PIGK: variants seen among roughly 807,000 people sequenced by gnomAD.
PIGK encodes GPI-anchor transamidase.
PIGK carries 42 observed loss-of-function variants against 50.6 expected under a neutral mutation model. The ratio of observed to expected loss-of-function variants is 0.83; its 90% CI spans 0.65 to 1.07. The LOEUF is 1.07. PIGK is among the 50% of genes least tolerant of loss of function. The probability of loss-of-function intolerance (pLI) is 0.00; values close to 1 mark genes in which losing one functional copy is unlikely to be tolerated. For synonymous variants in PIGK, 151 were observed against 156.0 expected (o/e 0.97, Z 0.24); for missense variants, 448 against 488.7 (o/e 0.92, Z 0.78).
At chr1:77,124,600 G>A (rs1489183128) in intron 9 of PIGK, among the ~76,000 whole-genome samples, 1 of 148,372 alleles carries the variant, frequency 6.7e-6, no homozygotes. Flanking sequence ...CAGAGCAAGA[G>A]TCTCAAAACA....
At position 77,219,409 on chromosome 1, in the gene PIGK, C is replaced by G. The variant is rs1341681422; in HGVS notation, c.-7G>C. The G allele has an allele frequency of 3.1e-6, 5 of 1,611,902 alleles. No individual in the cohort carries two copies. The South Asian group carries it at 4.4e-5, about 14-fold the overall frequency. ...GGCTGTCGGTGACGGCCATGTTTAC[C>G]GGCTTCAGACTTCCCGCACCTGAAG... is the stretch of plus-strand genomic sequence containing the variant. On this transcript the variant is annotated 5_prime_UTR_variant, in exon 1 of 11. Transcript: ENST00000370812.
chr1:77,109,998 C>T (rs1354708554), intron 10 of PIGK, among the ~76,000 whole-genome samples: 1 of 152,136 alleles, frequency 6.6e-6, no homozygotes, highest in East Asian at 1.9e-4. Flanking sequence ...CATGAGTGAA[C>T]TCCCATTCAC....
intron 9 of PIGK, among the ~76,000 whole-genome samples, chr1:77,137,856 G>A (rs138771795): frequency 0.042 from 6,317 of 152,174 alleles, 197 homozygotes; most frequent in Non-Finnish European, 0.054. Flanking sequence ...TGTCCACCTC[G>A]GCCTCCCAAA....
At chr1:77,179,603 T>TC (rs1185960862) in intron 3 of PIGK, among the ~76,000 whole-genome samples, 1 of 152,178 alleles carries the variant, frequency 6.6e-6, no homozygotes, top group Non-Finnish European at 1.5e-5. Flanking sequence ...CCCTTTTTTT[T>TC]CTCTATAAAT....
intron 10 of PIGK, among the ~76,000 whole-genome samples, chr1:77,107,946 A>T (rs1252143843): frequency 1.3e-5 from 2 of 152,026 alleles, no homozygotes; most frequent in East Asian, 3.9e-4. Context: ...TGCTTGGTAG[A>T]TCTTCCTCCA....
intron 8 of PIGK, among the ~76,000 whole-genome samples, chr1:77,155,818 T>C (rs1654996468): frequency 6.6e-6 from 1 of 152,102 alleles, no homozygotes; most frequent in South Asian, 2.1e-4. Flanking sequence ...ATCACCAATA[T>C]GAAGGCAGAA....
chr1:77,114,188 TAAG>T lies in PIGK; in HGVS notation c.1071+8084_1071+8086del, dbSNP rs1479039611. On this transcript the variant is annotated intron_variant, in intron 10 of 10. Transcript: ENST00000370812. ...TAAGGAGGAAGTATACCACAGTAGT[TAAG>T]AAGATAAATTTTGGAGTCAAACAGA... Among the ~76,000 whole-genome samples the T allele has an allele frequency of 2.0e-5, 3 of 152,244 alleles. No homozygotes were observed. In the East Asian group the frequency reaches 5.8e-4, roughly 29 times the overall value.
intron 9 of PIGK, among the ~76,000 whole-genome samples, chr1:77,131,030 T>C (rs1356248311): frequency 6.6e-6 from 1 of 152,102 alleles, no homozygotes; most frequent in Non-Finnish European, 1.5e-5. Flanking sequence ...AATTATATGA[T>C]AATTTATTCT....
chr1:77,173,338 T>C (rs555069603), intron 3 of PIGK, among the ~76,000 whole-genome samples: 118 of 152,318 alleles, frequency 7.7e-4, no homozygotes, highest in Admixed American at 1.6e-3. Context: ...CATATTTTAC[T>C]CTGGCCAGAA....
chr1:77,152,480 C>T (rs1166273830), intron 9 of PIGK, among the ~76,000 whole-genome samples: 1 of 151,660 alleles, frequency 6.6e-6, no homozygotes, highest in Non-Finnish European at 1.5e-5. Flanking sequence ...TCATAGGCAA[C>T]AAAAGCAAAA....
At chr1:77,097,510 G>A (rs1653443676) in intron 10 of PIGK, among the ~76,000 whole-genome samples, 2 of 152,268 alleles carry the variant, frequency 1.3e-5, no homozygotes, top group South Asian at 4.1e-4. Context: ...GGCAGTTAAT[G>A]TAATCTAGAA....
At chr1:77,165,005 T>C (rs894317530) in intron 5 of PIGK, among the ~76,000 whole-genome samples, 5 of 152,296 alleles carry the variant, frequency 3.3e-5, no homozygotes, top group Non-Finnish European at 7.4e-5. Flanking sequence ...ATATTGTCTC[T>C]AGCACAACTA....
At chr1:77,123,575 G>T (rs1359378494) in intron 9 of PIGK, among the ~76,000 whole-genome samples, 1 of 151,910 alleles carries the variant, frequency 6.6e-6, no homozygotes, top group East Asian at 1.9e-4. Context: ...AAAAAAAACT[G>T]CCTCAAAACA....
chr1:77,198,471 T>C (rs1230028662), intron 3 of PIGK, among the ~76,000 whole-genome samples: 1 of 151,990 alleles, frequency 6.6e-6, no homozygotes, highest in Non-Finnish European at 1.5e-5. Flanking sequence ...TACAAAGATT[T>C]GAAAGGATGA....
chr1:77,163,990 C>T, intron 5 of PIGK, 48 bp from the exon 6 acceptor site: 23 of 975,688 alleles, frequency 2.4e-5, no homozygotes, highest in Non-Finnish European at 3.6e-5. Flanking sequence ...ATGCAAACTG[C>T]ATATATCTAG....
intron 9 of PIGK, among the ~76,000 whole-genome samples, chr1:77,143,145 T>C (rs1327832587): frequency 2.0e-5 from 3 of 152,174 alleles, no homozygotes; most frequent in South Asian, 4.1e-4. Flanking sequence ...ATTTTTAAAA[T>C]GGAATACACT....
chr1:77,197,250 G>A, intron 3 of PIGK, among the ~76,000 whole-genome samples: 1 of 152,024 alleles, frequency 6.6e-6, no homozygotes, highest in East Asian at 1.9e-4. Flanking sequence ...TATTGTTACA[G>A]ATGAAAAAAC....
At chr1:77,099,797 T>TA (rs1207820766) in intron 10 of PIGK, among the ~76,000 whole-genome samples, 2 of 152,136 alleles carry the variant, frequency 1.3e-5, no homozygotes, top group African/African-American at 4.8e-5. Context: ...TAGAGCTTCT[T>TA]AAAAAAATGA....
intron 3 of PIGK, 97 bp downstream of exon 3, chr1:77,206,541 TAC>T: frequency 4.1e-6 from 3 of 726,184 alleles, no homozygotes; most frequent in Non-Finnish European, 6.9e-6. Context: ...TTTTTTTTTT[TAC>T]CTTTTTCAAA....
Sources: gnomAD v4.1 joint callset for allele counts (sites outside exome capture counted in the v4.1 genomes callset) on GRCh38, gnomAD v4.1.1 for gene constraint, MANE v1.5 for transcripts, NCBI Gene and HGNC (gene_info 2026-07-23, HGNC 2026-07-21) for gene names.